The following DLG2 variants were observed in gnomAD, a reference collection of about 807,000 sequenced individuals.
DLG2 encodes disks large homolog 2.
Under a neutral mutation model 132.5 loss-of-function variants are expected in DLG2, and 45 were observed. That is an observed-to-expected ratio of 0.34 (90% confidence interval 0.27 to 0.44). The LOEUF is 0.44. Among genes scored for constraint, DLG2 ranks in the 20% least tolerant of loss-of-function variants. The pLI is 1.00. For missense variants in DLG2, 1,045 were observed against 1,196.9 expected (o/e 0.87, Z 1.87); for synonymous variants, 424 against 419.6 (o/e 1.01, Z -0.13).
intron 15 of DLG2, among the ~76,000 whole-genome samples, chr11:83,893,261 G>A (rs746975866): frequency 1.3e-5 from 2 of 152,168 alleles, no homozygotes; most frequent in Non-Finnish European, 2.9e-5. Flanking sequence ...ATAACATCAG[G>A]TCATAAGTTG....
At chr11:85,349,955 T>A (rs2083154594) in intron 3 of DLG2, among the ~76,000 whole-genome samples, 1 of 152,250 alleles carries the variant, frequency 6.6e-6, no homozygotes, top group Admixed American at 6.5e-5. Flanking sequence ...TCAAATGGTA[T>A]TTCTAGTTCT....
chr11:85,213,508 A>C (rs2082382458), intron 4 of DLG2, among the ~76,000 whole-genome samples: 1 of 152,142 alleles, frequency 6.6e-6, no homozygotes, highest in South Asian at 2.1e-4. Flanking sequence ...AGTAGAGAGG[A>C]ATGTCTGGGG....
At chr11:85,139,036 C>T (rs1474615563) in intron 5 of DLG2, among the ~76,000 whole-genome samples, 1 of 152,086 alleles carries the variant, frequency 6.6e-6, no homozygotes, top group Non-Finnish European at 1.5e-5. Context: ...TCTCATCATT[C>T]AAGGCTCTGC....
At chr11:85,233,350 T>C (rs184155471) in intron 4 of DLG2, among the ~76,000 whole-genome samples, 18 of 152,094 alleles carry the variant, frequency 1.2e-4, no homozygotes, top group African/African-American at 2.6e-4. Flanking sequence ...TGTCCCAGGA[T>C]TGACTTCTCC....
At chr11:84,225,323 C>T (rs1024157493) in intron 8 of DLG2, among the ~76,000 whole-genome samples, 1 of 152,234 alleles carries the variant, frequency 6.6e-6, no homozygotes, top group Non-Finnish European at 1.5e-5. Context: ...CACACACATA[C>T]TGTACAACAG....
chr11:83,695,244 C>G (rs1011112659), intron 18 of DLG2, among the ~76,000 whole-genome samples: 4 of 152,142 alleles, frequency 2.6e-5, no homozygotes, highest in African/African-American at 9.7e-5. Context: ...TGACCTAGTG[C>G]CAGGTTCTGG....
chr11:83,971,338 T>C (rs2091292249), intron 12 of DLG2, among the ~76,000 whole-genome samples: 1 of 151,978 alleles, frequency 6.6e-6, no homozygotes, highest in African/African-American at 2.4e-5. Flanking sequence ...GATGACTCAT[T>C]CTCTCAAACA....
chr11:85,022,337 T>C (rs2060150646), intron 6 of DLG2, among the ~76,000 whole-genome samples: 1 of 151,776 alleles, frequency 6.6e-6, no homozygotes, highest in African/African-American at 2.4e-5. Flanking sequence ...AAATAGAAAA[T>C]GAAATCGATA....
At chr11:84,559,019 A>G (rs1002133239) in intron 6 of DLG2, among the ~76,000 whole-genome samples, 5 of 152,184 alleles carry the variant, frequency 3.3e-5, no homozygotes, top group East Asian at 1.9e-4. Flanking sequence ...TTACCAACAG[A>G]GAGTCATGAC....
intron 6 of DLG2, among the ~76,000 whole-genome samples, chr11:84,583,955 G>C (rs995805885): frequency 6.6e-6 from 1 of 151,780 alleles, no homozygotes; most frequent in Non-Finnish European, 1.5e-5. Context: ...TTATTCTCCT[G>C]TTGATATAAA....
intron 7 of DLG2, among the ~76,000 whole-genome samples, chr11:84,344,364 T>C (rs575156823): frequency 1.3e-5 from 2 of 152,316 alleles, no homozygotes; most frequent in South Asian, 2.1e-4. Context: ...AATAAATTCA[T>C]AGAGGTAAAG....
chr11:83,777,792 G>C (rs1215233509), intron 18 of DLG2, among the ~76,000 whole-genome samples: 2 of 152,152 alleles, frequency 1.3e-5, no homozygotes, highest in South Asian at 4.1e-4. Context: ...AAAATGTATG[G>C]GGAAAAAAGG....
chr11:84,324,443 C>G (rs1334583033), intron 7 of DLG2, among the ~76,000 whole-genome samples: 2 of 151,972 alleles, frequency 1.3e-5, no homozygotes, highest in East Asian at 3.9e-4. Context: ...GTCTTGATTA[C>G]TGTAGCTTTG....
In DLG2 at chr11:85,476,964, T is replaced by C. The variant is rs1054216839; in HGVS notation, c.40+121693A>G. On this transcript the variant is annotated intron_variant, in intron 3 of 27. Coordinates refer to ENST00000376104, the MANE Select transcript of DLG2 (RefSeq NM_001142699.3). ...GTATTATGTACTGTACATAATTTTA[T>C]GTGCTATACTTTTAAATGACTGGCA... 1.6e-4 allele frequency among the ~76,000 whole-genome samples: 24 copies of C among 152,162 alleles called. 1 individual carries two copies. The highest frequency in any genetic ancestry group is 1.4e-3 in the Admixed American group (21 of 15,262).
chr11:83,807,568 A>G (rs1565149291), intron 17 of DLG2, among the ~76,000 whole-genome samples: 1 of 152,168 alleles, frequency 6.6e-6, no homozygotes, highest in African/African-American at 2.4e-5. Flanking sequence ...ATGCTCAGTA[A>G]ATAATAGGAA....
In DLG2 at chr11:83,898,244, C is replaced by A. The variant is rs2154095632; in HGVS notation, c.1497-23756G>T. 2.6e-5 allele frequency among the ~76,000 whole-genome samples: 4 copies of A among 152,138 alleles called. 1 individual carries two copies. Among genetic ancestry groups the A allele is most frequent in the Admixed American group, 2.6e-4 (4 of 15,282 alleles). On this transcript the variant is annotated intron_variant, in intron 15 of 27. Coordinates refer to ENST00000376104, the MANE Select transcript of DLG2 (RefSeq NM_001142699.3). ...ACATTTGCAGAGATACATCTAAATGCACACATATGTATGTGTATACCTATA... is the reference window on the plus strand; with the variant it reads ...ACATTTGCAGAGATACATCTAAATGAACACATATGTATGTGTATACCTATA...
At chr11:83,873,302 T>C (rs1383524492) in intron 16 of DLG2, among the ~76,000 whole-genome samples, 1 of 152,118 alleles carries the variant, frequency 6.6e-6, no homozygotes, top group African/African-American at 2.4e-5. Context: ...GGTGATGTGG[T>C]TTGGCTGTGT....
intron 6 of DLG2, among the ~76,000 whole-genome samples, chr11:85,050,154 A>ACACACACACG (rs1259116135): frequency 1.3e-5 from 2 of 150,156 alleles, no homozygotes; most frequent in Non-Finnish European, 3.0e-5. Context: ...ACACACACAC[A>ACACACACACG]CTGCACACAT....
intron 5 of DLG2, among the ~76,000 whole-genome samples, chr11:85,152,465 G>A (rs535995418): frequency 3.3e-5 from 5 of 152,036 alleles, no homozygotes; most frequent in Middle Eastern, 3.4e-3. Context: ...TCTCAAACTC[G>A]TGGCCTCAAG....
Sources: gnomAD v4.1 joint callset for allele counts (sites outside exome capture counted in the v4.1 genomes callset) on GRCh38, gnomAD v4.1.1 for gene constraint, MANE v1.5 for transcripts, NCBI Gene and HGNC (gene_info 2026-07-23, HGNC 2026-07-21) for gene names.